RAPGEF6: variants seen among roughly 807,000 people sequenced by gnomAD.
The protein encoded by RAPGEF6 is Rap guanine nucleotide exchange factor 6.
A neutral mutation model predicts 171.4 loss-of-function variants in RAPGEF6; 56 were observed. The ratio of observed to expected loss-of-function variants is 0.33; its 90% CI spans 0.26 to 0.41. The LOEUF (loss-of-function observed/expected upper bound fraction) is 0.41, where lower values mean the gene tolerates loss of function less well. RAPGEF6 is among the 10% of genes least tolerant of loss of function. RAPGEF6 has a pLI of 1.00. For synonymous variants in RAPGEF6, 692 were observed against 650.1 expected (o/e 1.06, Z -0.98); for missense variants, 1,674 against 1,921.4 (o/e 0.87, Z 2.41).
chr5:131,548,150 C>A lies in RAPGEF6; in HGVS notation c.392G>T (p.Arg131Ile), dbSNP rs1371182344. ...AKDNEDSILQREIPARQSRRR... is the reference protein window; with the variant it reads ...AKDNEDSILQIEIPARQSRRR... Reference sequence around the variant, plus strand: ...TCGGGATTGTCTGGCAGGAATTTCTCTTTGTAGAATACTATCTTCATTATC... The same window carrying A: ...TCGGGATTGTCTGGCAGGAATTTCTATTTGTAGAATACTATCTTCATTATC... Residue 131 changes from arginine to isoleucine, a missense_variant, in exon 6 of 28, where the codon AGA becomes ATA. Transcript: ENST00000509018. The A allele has an allele frequency of 1.7e-5, 27 of 1,613,976 alleles. No individual in the cohort carries two copies. The highest frequency in any genetic ancestry group is 2.2e-5 in the Non-Finnish European group (26 of 1,179,930).
rs1339049483 is a variant in RAPGEF6, at chr5:131,461,761, T to G, written c.2808A>C (p.Lys936Asn). Residue 936 changes from lysine (K) to asparagine (N), a missense_variant, in exon 19 of 28, where the codon AAA (lysine) becomes AAC (asparagine). Physicochemically the swap from Lys to Asn is moderately conservative, Grantham distance 94. Around this residue, in one of 3 missense-constraint regions of RAPGEF6, gnomAD observed 1,116 missense variants for 1,321.5 expected, o/e 0.84. Transcript: ENST00000509018. ...TACATTCTCGACAATGAAGTGCAAT[T>G]TTAATAAAATGCTTAATAATCTTCA... ...KRMKIIKHFI[K>N]IALHCRECKN... 1 of 1,609,176 alleles carries G rather than the reference T, an allele frequency of 6.2e-7. No individual in the cohort carries two copies. Among genetic ancestry groups the G allele is most frequent in the South Asian group, 1.1e-5 (1 of 90,952 alleles).
In RAPGEF6 at chr5:131,462,096, GA is replaced by G; in HGVS notation, c.2481-9del. 6.8e-7 allele frequency: 1 copy of G among 1,467,636 alleles called. No homozygotes were observed. The highest frequency in any genetic ancestry group is 1.5e-5 in the South Asian group (1 of 66,288). The allele number at this position is 1,467,636 out of a possible 1,614,324, so 90.9% of individuals were successfully genotyped here. A position where few individuals can be genotyped will look rare whatever the true frequency, so the allele number is the denominator to read the frequency against. ...TTATTTTTTAAGTAATACCTAAATG[GA>G]AAAATTTTTTTAAATAAATGTATTC... On this transcript the variant is annotated splice_polypyrimidine_tract_variant and intron_variant, in intron 18 of 27. Transcript: ENST00000509018.
chr5:131,577,092 T>C (rs1402375292), intron 4 of RAPGEF6, among the ~76,000 whole-genome samples: 1 of 152,276 alleles, frequency 6.6e-6, no homozygotes, highest in East Asian at 1.9e-4. Flanking sequence ...ACTGGATGGG[T>C]AGAGGCCCAC....
At chr5:131,485,114 C>A (rs1009547869) in intron 15 of RAPGEF6, among the ~76,000 whole-genome samples, 3 of 152,020 alleles carry the variant, frequency 2.0e-5, no homozygotes, top group Non-Finnish European at 4.4e-5. Flanking sequence ...TTTGTAGAGA[C>A]CAGGTCTCAC....
chr5:131,605,744 A>C (rs942524831), intron 1 of RAPGEF6, among the ~76,000 whole-genome samples: 21 of 152,124 alleles, frequency 1.4e-4, no homozygotes, highest in African/African-American at 4.8e-4. Context: ...AAAAGCAGCA[A>C]GCTAGGCTGG....
chr5:131,524,710 G>A (rs567007387), intron 6 of RAPGEF6, among the ~76,000 whole-genome samples: 1 of 151,904 alleles, frequency 6.6e-6, no homozygotes, highest in East Asian at 1.9e-4. Flanking sequence ...CTGCCTCCTG[G>A]GTTTGAGTGT....
At chr5:131,446,004 T>C (rs766672051) in intron 22 of RAPGEF6, among the ~76,000 whole-genome samples, 1 of 152,214 alleles carries the variant, frequency 6.6e-6, no homozygotes, top group Admixed American at 6.5e-5. Context: ...ATCTTTTCCA[T>C]CACATTTTCT....
intron 17 of RAPGEF6, among the ~76,000 whole-genome samples, chr5:131,471,182 C>G (rs543416540): frequency 6.6e-6 from 1 of 152,266 alleles, no homozygotes; most frequent in South Asian, 2.1e-4. Context: ...ATAAAAATCA[C>G]TACAAATGTC....
At chr5:131,604,587 T>C (rs769779476) in intron 2 of RAPGEF6, 36 bp downstream of exon 2, 4 of 1,600,302 alleles carry the variant, frequency 2.5e-6, no homozygotes, top group East Asian at 2.2e-5. Context: ...TGAATGGCTA[T>C]ACAGCGTGTG....
intron 3 of RAPGEF6, among the ~76,000 whole-genome samples, chr5:131,596,266 A>C (rs1763898993): frequency 6.6e-6 from 1 of 150,594 alleles, no homozygotes; most frequent in Non-Finnish European, 1.5e-5. Context: ...AAAAAGAGAC[A>C]GAAAAGGTGA....
At chr5:131,565,105 A>T (rs1480632896) in intron 4 of RAPGEF6, among the ~76,000 whole-genome samples, 1 of 152,162 alleles carries the variant, frequency 6.6e-6, no homozygotes, top group East Asian at 1.9e-4. Context: ...GAGTTCCTAG[A>T]ACTACTGTTT....
intron 6 of RAPGEF6, chr5:131,532,077 G>T: frequency 4.7e-6 from 2 of 429,514 alleles, no homozygotes; most frequent in Non-Finnish European, 9.1e-6. Context: ...TAAATCAATT[G>T]CTAAGAAAAT....
At chr5:131,596,073 G>A (rs1258923585) in intron 3 of RAPGEF6, among the ~76,000 whole-genome samples, 1 of 151,088 alleles carries the variant, frequency 6.6e-6, no homozygotes, top group East Asian at 2.0e-4. Flanking sequence ...AGAATCGCTT[G>A]AACACAGGAG....
intron 1 of RAPGEF6, among the ~76,000 whole-genome samples, chr5:131,608,351 A>T (rs1019435636): frequency 6.6e-6 from 1 of 152,246 alleles, no homozygotes; most frequent in African/African-American, 2.4e-5. Context: ...AAGTTCCCAG[A>T]TGCCAGCCGC....
intron 7 of RAPGEF6, among the ~76,000 whole-genome samples, chr5:131,516,229 C>T (rs888512917): frequency 3.3e-5 from 5 of 151,600 alleles, no homozygotes; most frequent in African/African-American, 9.7e-5. Flanking sequence ...CTGGTGCATG[C>T]GCCACCGCAC....
Position 131,431,108 on chromosome 5 carries a change from T to G in RAPGEF6, c.4216A>C (p.Thr1406Pro). The G allele has an allele frequency of 1.2e-6, 2 of 1,614,140 alleles. No homozygotes were observed. Among genetic ancestry groups the G allele is most frequent in the Non-Finnish European group, 1.7e-6 (2 of 1,180,000 alleles). Residue 1406 changes from threonine (T) to proline (P), a missense_variant, in exon 26 of 28, where the codon ACT becomes CCT. By Grantham distance (38) the Thr-to-Pro change is conservative. This residue lies in a region of RAPGEF6 where 552 missense variants were observed against 574.2 expected (regional missense o/e 0.96). Transcript: ENST00000509018. Reference protein sequence around the residue: ...LDDPIAEVEPTDSEPYSCSKS... With the variant: ...LDDPIAEVEPPDSEPYSCSKS... Reference sequence around the variant, plus strand: ...GAACAGGAATAGGGCTCAGAGTCAGTGGGTTCAACTTCAGCAATGGGGTCA... The same window carrying G: ...GAACAGGAATAGGGCTCAGAGTCAGGGGGTTCAACTTCAGCAATGGGGTCA...
At chr5:131,467,170 A>T (rs1023772031) in intron 17 of RAPGEF6, among the ~76,000 whole-genome samples, 2 of 152,246 alleles carry the variant, frequency 1.3e-5, no homozygotes, top group Non-Finnish European at 2.9e-5. Flanking sequence ...CTGCCAATAT[A>T]CTGTAACATC....
chr5:131,535,689 A>G (rs1234560772), intron 6 of RAPGEF6, among the ~76,000 whole-genome samples: 1 of 152,188 alleles, frequency 6.6e-6, no homozygotes, highest in Non-Finnish European at 1.5e-5. Flanking sequence ...ATACTTTTAT[A>G]AAAGTGTAAA....
intron 4 of RAPGEF6, among the ~76,000 whole-genome samples, chr5:131,587,239 G>A (rs1370051415): frequency 6.6e-6 from 1 of 152,122 alleles, no homozygotes; most frequent in African/African-American, 2.4e-5. Flanking sequence ...ACAATTCCTT[G>A]TTAAGTATAT....
Sources: allele counts gnomAD v4.1 joint callset (sites outside exome capture counted in the v4.1 genomes callset), GRCh38; gene constraint gnomAD v4.1.1; regional missense constraint gnomAD v4.1.1; transcripts MANE v1.5; gene names NCBI Gene and HGNC (gene_info 2026-07-23, HGNC 2026-07-21).